The following EP400 variants were observed in gnomAD, a reference collection of about 807,000 sequenced individuals.
EP400 encodes E1A-binding protein p400.
In EP400, 105 loss-of-function variants were observed where a neutral mutation model predicts 354.1. That is an observed-to-expected ratio of 0.30 (90% CI 0.25 to 0.35). The LOEUF (loss-of-function observed/expected upper bound fraction) is 0.35, where lower values mean the gene tolerates loss of function less well. Ranked by LOEUF, EP400 falls within the 10% of genes least tolerant of loss-of-function variation. The pLI, the probability that EP400 is intolerant of heterozygous loss-of-function variation, is 1.00. For missense variants in EP400, 3,280 were observed against 4,121.0 expected (o/e 0.80, Z 5.59); for synonymous variants, 1,646 against 1,716.9 (o/e 0.96, Z 1.02).
At chr12:131,974,765 G>A (rs978446132) in intron 2 of EP400, among the ~76,000 whole-genome samples, 3 of 151,928 alleles carry the variant, frequency 2.0e-5, no homozygotes, top group Non-Finnish European at 2.9e-5. Flanking sequence ...CGAGGCGGGC[G>A]GATCACGAGG....
chr12:131,992,225 A>G lies in EP400; in HGVS notation c.2732A>G (p.Asp911Gly). The change falls in exon 11 of 53, where the codon GAC becomes GGC. Residue 911 changes from aspartate (D) to glycine (G), a missense_variant. Asp to Gly is a moderately conservative substitution (Grantham distance 94). Coordinates refer to ENST00000389561, the MANE Select transcript of EP400 (RefSeq NM_015409.5). The part of the protein sequence containing the change: ...KRKASISLTD[D>G]EVDDEEETIE... ...AAAGCTAGCATATCTTTGACTGATG[A>G]CGAAGGTCTGTTCCCCCTCAGCACT... The G allele has an allele frequency of 3.7e-6, 6 of 1,610,294 alleles. No homozygotes were observed. Among genetic ancestry groups the G allele is most frequent in the Non-Finnish European group, 5.1e-6 (6 of 1,179,692 alleles).
Position 132,023,919 on chromosome 12 carries a change from G to A in EP400, c.4833G>A (p.Ala1611=), listed in dbSNP as rs751215839. Residue 1611 remains alanine (A), a synonymous_variant, in exon 24 of 53, where the codon GCG becomes GCA. Coordinates refer to ENST00000389561, the MANE Select transcript of EP400 (RefSeq NM_015409.5). The part of the protein sequence containing the change: ...LSHSQLRQLT[A]GQPLQLQGSV... ...ACAGCCAGCTCCGGCAGCTCACAGC[G>A]GGCCAGCCGCTGCAGCTGCAAGGTA... 15 of 1,607,024 alleles carry A rather than the reference G, an allele frequency of 9.3e-6. No individual in the cohort carries two copies. The Admixed American group carries it at 1.0e-4, about 11-fold the overall frequency.
rs531560289 is a variant in EP400 at position 132,025,867 on chromosome 12, G to A, written c.5014+63G>A. 6 of 1,483,604 alleles carry A rather than the reference G, an allele frequency of 4.0e-6. No individual in the cohort carries two copies. The highest frequency in any genetic ancestry group is 2.5e-5 in the Admixed American group (1 of 39,998). The allele number at this position is 1,483,604 out of a possible 1,614,324, so 91.9% of individuals were successfully genotyped here. ...TGCTTCTTTCTCTTCCATCTAAGGC[G>A]AGTGGAAAGCATTCATGTGTCTTTG... On this transcript the variant is annotated intron_variant, in intron 25 of 52. Coordinates refer to ENST00000389561, the MANE Select transcript of EP400 (RefSeq NM_015409.5). The surrounding 1 kb of genome is among the most constrained non-coding windows in gnomAD (Gnocchi z 4.1).
chr12:131,996,452 C>A (rs749165220), intron 12 of EP400, among the ~76,000 whole-genome samples: 1 of 151,926 alleles, frequency 6.6e-6, no homozygotes, highest in African/African-American at 2.4e-5. Flanking sequence ...CCACCACGCC[C>A]GGCTAATTTT....
In EP400 at chr12:132,032,089, A is replaced by G; in HGVS notation, c.5891A>G (p.Asp1964Gly). The G allele has an allele frequency of 1.2e-6, 2 of 1,614,198 alleles. No individual in the cohort carries two copies. The highest frequency in any genetic ancestry group is 1.7e-6 in the Non-Finnish European group (2 of 1,180,008). The change falls in exon 30 of 53, where the codon GAT becomes GGT. Residue 1964 changes from aspartate (D) to glycine (G), a missense_variant. This residue lies in a region of EP400 where 459 missense variants were observed against 496.9 expected (regional missense o/e 0.92). Transcript: ENST00000389561. The part of the protein sequence containing the change: ...FYDNDLNPVM[D>G]AKAQEWCDRI... ...GACAATGACCTGAATCCAGTGATGG[A>G]TGCCAAAGCTCAGGAGTGGTGCGAT...
In EP400 at chr12:132,032,164, G is replaced by C; in HGVS notation, c.5951+15G>C. The stretch of plus-strand genomic sequence containing the variant: ...CACATATACAGGTGAGGGCCTGCGG[G>C]GGATAGGATCAGGAGATGCAAAGAC... On this transcript the variant is annotated intron_variant, in intron 30 of 52. Coordinates refer to ENST00000389561, the MANE Select transcript of EP400 (RefSeq NM_015409.5). 1 of 1,606,948 alleles carries C rather than the reference G, an allele frequency of 6.2e-7. No homozygotes were observed. Among genetic ancestry groups the C allele is most frequent in the Non-Finnish European group, 8.5e-7 (1 of 1,175,344 alleles).
chr12:132,067,790 G>A lies in EP400; in HGVS notation c.8874+304G>A, dbSNP rs1895939959. On this transcript the variant is annotated intron_variant, in intron 50 of 52. Coordinates refer to ENST00000389561, the MANE Select transcript of EP400 (RefSeq NM_015409.5). This position sits in a 1 kb window ranked among gnomAD's most constrained non-coding sequence, Gnocchi z 5.3. ...CATGGCATTGGGACAGACACAGGGGGTGCAATTGCATGATGGGGGCCAGTG... is the reference window on the plus strand; with the variant it reads ...CATGGCATTGGGACAGACACAGGGGATGCAATTGCATGATGGGGGCCAGTG... Among the ~76,000 whole-genome samples, 1 of 151,276 alleles carries A rather than the reference G, an allele frequency of 6.6e-6. No individual in the cohort carries two copies. Among genetic ancestry groups the A allele is most frequent in the Non-Finnish European group, 1.5e-5 (1 of 67,880 alleles).
In EP400 at chr12:132,080,048, G is replaced by C. The variant is rs1173605496; in HGVS notation, c.*2375G>C. 1 of 152,224 alleles carries C rather than the reference G, an allele frequency of 6.6e-6. No individual in the cohort carries two copies. Among genetic ancestry groups the C allele is most frequent in the African/African-American group, 2.4e-5 (1 of 41,460 alleles). 9.4% of individuals were successfully genotyped at this position (152,224 alleles called of 1,614,324 possible). A position where few individuals can be genotyped will look rare whatever the true frequency, so the allele number is the denominator to read the frequency against. ...ATTCCAATACGGCAAGTAAGAGTTG[G>C]AAACTTTGAGAACACAGACTATAAA... is the stretch of plus-strand genomic sequence containing the variant. On this transcript the variant is annotated 3_prime_UTR_variant, in exon 53 of 53. Coordinates refer to ENST00000389561, the MANE Select transcript of EP400 (RefSeq NM_015409.5).
chr12:132,042,150 C>T (rs1007775024), intron 32 of EP400, among the ~76,000 whole-genome samples: 2 of 152,014 alleles, frequency 1.3e-5, no homozygotes, highest in Non-Finnish European at 2.9e-5. Context: ...GTGGTTTCTC[C>T]ATGTTGGCCA....
At chr12:131,995,027 A>G (rs1440485312) in intron 12 of EP400, 71 bp downstream of exon 12, 2 of 1,417,466 alleles carry the variant, frequency 1.4e-6, no homozygotes, top group East Asian at 2.3e-5. Context: ...AGATGTGAAT[A>G]ATAATATATT....
At chr12:132,024,327 C>T (rs1350683493) in intron 24 of EP400, among the ~76,000 whole-genome samples, 2 of 152,114 alleles carry the variant, frequency 1.3e-5, no homozygotes, top group Non-Finnish European at 2.9e-5. Context: ...GAGCCGAGAT[C>T]GTGTCACTGC....
In EP400 at chr12:131,991,415, T is replaced by G. The variant is rs148977141; in HGVS notation, c.2638T>G (p.Leu880Val). The change falls in exon 10 of 53, where the codon TTG becomes GTG. Residue 880 changes from leucine (L) to valine (V), a missense_variant. Physicochemically the swap from Leu to Val is conservative, Grantham distance 32. This residue lies in a region of EP400 where 800 missense variants were observed against 840.0 expected (regional missense o/e 0.95). Coordinates refer to ENST00000389561, the MANE Select transcript of EP400 (RefSeq NM_015409.5). ...LQKVSRRGKE[L>V]RPKGFDALQE... ...GCTCCTTGTCTCTCTAGGGAAAGAA[T>G]TGAGACCTAAAGGATTTGACGCATT... The G allele has an allele frequency of 6.9e-4, 1,115 of 1,613,928 alleles. 8 individuals carry two copies. The African/African-American group carries it at 0.012, about 18-fold the overall frequency.
chr12:131,964,810 A>G (rs1892021563), intron 2 of EP400, among the ~76,000 whole-genome samples: 1 of 152,244 alleles, frequency 6.6e-6, no homozygotes, highest in South Asian at 2.1e-4. Context: ...ACAGTGATAA[A>G]TATCAGGAAA....
At chr12:131,970,143 G>A (rs1198646356) in intron 2 of EP400, among the ~76,000 whole-genome samples, 1 of 152,164 alleles carries the variant, frequency 6.6e-6, no homozygotes, top group Non-Finnish European at 1.5e-5. Flanking sequence ...AATGCCTGGA[G>A]GAATAGAATA....
Position 132,027,716 on chromosome 12 carries a change from T to A in EP400, c.5109+185T>A, listed in dbSNP as rs35569693. ...ACTGGACTTACGACTGCCACAATCT[T>A]TTTTTGTATTTTTTATGTCCTTCTG... On this transcript the variant is annotated intron_variant, in intron 26 of 52. Transcript: ENST00000389561. The surrounding 1 kb of genome is among the most constrained non-coding windows in gnomAD (Gnocchi z 4.9). Among the ~76,000 whole-genome samples the A allele has an allele frequency of 0.22, 33,653 of 152,216 alleles. 4,878 individuals carry two copies. Among genetic ancestry groups the A allele is most frequent in the Non-Finnish European group, 0.33 (22,672 of 67,976 alleles).
Position 132,063,964 on chromosome 12 carries a change from A to G in EP400, c.8335-704A>G, listed in dbSNP as rs1189852691. Among the ~76,000 whole-genome samples, 3 of 139,218 alleles carry G rather than the reference A, an allele frequency of 2.2e-5. No individual in the cohort carries two copies. The East Asian group carries it at 6.2e-4, about 29-fold the overall frequency. 91.3% of individuals were successfully genotyped at this position (139,218 alleles called of 152,430 possible). A position where few individuals can be genotyped will look rare whatever the true frequency, so the allele number is the denominator to read the frequency against. ...GTCAGGGAGTCAGAGCCGGGCTTTGACCCCCCCGGCCCACAGCCACACAGG... is the reference window on the plus strand; with the variant it reads ...GTCAGGGAGTCAGAGCCGGGCTTTGGCCCCCCCGGCCCACAGCCACACAGG... On this transcript the variant is annotated intron_variant, in intron 47 of 52. Transcript: ENST00000389561.
At position 132,021,078 on chromosome 12, in the gene EP400, G is replaced by T. The variant is rs1444511664; in HGVS notation, c.4448-1G>T. On this transcript the variant is annotated splice_acceptor_variant, in intron 22 of 52. Coordinates refer to ENST00000389561, the MANE Select transcript of EP400 (RefSeq NM_015409.5). LOFTEE classifies it high-confidence loss of function. ...GCACAAACAAACCTTATCGATTGCAGCAGCAGCAGCCCCGTTTCAGACCTC... is the reference window on the plus strand; with the variant it reads ...GCACAAACAAACCTTATCGATTGCATCAGCAGCAGCCCCGTTTCAGACCTC... 6.3e-7 allele frequency: 1 copy of T among 1,593,616 alleles called. No individual in the cohort carries two copies. Among genetic ancestry groups the T allele is most frequent in the Non-Finnish European group, 8.5e-7 (1 of 1,176,144 alleles).
At position 132,045,330 on chromosome 12, in the gene EP400, A is replaced by C; in HGVS notation, c.6796A>C (p.Lys2266Gln). 1 of 1,614,172 alleles carries C rather than the reference A, an allele frequency of 6.2e-7. No individual in the cohort carries two copies. The highest frequency in any genetic ancestry group is 1.3e-5 in the African/African-American group (1 of 75,048). Residue 2266 changes from lysine (K) to glutamine (Q), a missense_variant, in exon 38 of 53, where the codon AAG becomes CAG. Around this residue, in one of 20 missense-constraint regions of EP400, gnomAD observed 231 missense variants for 257.9 expected, o/e 0.90. Coordinates refer to ENST00000389561, the MANE Select transcript of EP400 (RefSeq NM_015409.5). ...GCCTCTCTGTTCAGCTGCAGGCAGG[A>C]AGAAGAAGCAGCGTCACGGGGAGGC... ...HKTDPSAAGR[K>Q]KKQRHGEAVV...
chr12:132,010,085 CTTT>C (rs771764984), intron 15 of EP400, among the ~76,000 whole-genome samples: 4 of 134,558 alleles, frequency 3.0e-5, no homozygotes, highest in Admixed American at 7.5e-5. Flanking sequence ...GAGGTTGTGT[CTTT>C]TTTTTTTTTT....
Sources: gnomAD v4.1 joint callset for allele counts (sites outside exome capture counted in the v4.1 genomes callset) on GRCh38, gnomAD v4.1.1 for gene constraint, gnomAD v4.1.1 regional missense constraint, Gnocchi (gnomAD v3.1) non-coding constraint, MANE v1.5 for transcripts, NCBI Gene and HGNC (gene_info 2026-07-23, HGNC 2026-07-21) for gene names.